The following CAMTA1 variants were observed in gnomAD, a reference collection of about 807,000 sequenced individuals.
The protein encoded by CAMTA1 is calmodulin binding transcription activator 1.
In CAMTA1, 27 loss-of-function variants were observed where a neutral mutation model predicts 170.9. The observed-to-expected ratio is 0.16, with a 90% confidence interval of 0.12 to 0.22. The LOEUF is 0.22. CAMTA1 is among the 10% of genes least tolerant of loss of function. The pLI, the probability that CAMTA1 is intolerant of heterozygous loss-of-function variation, is 1.00. For missense variants in CAMTA1, 1,619 were observed against 2,217.2 expected (o/e 0.73, Z 5.42); for synonymous variants, 833 against 891.5 (o/e 0.93, Z 1.17).
At chr1:7,089,570 C>T (rs1473992269) in intron 3 of CAMTA1, among the ~76,000 whole-genome samples, 1 of 150,422 alleles carries the variant, frequency 6.6e-6, no homozygotes, top group Non-Finnish European at 1.5e-5. Context: ...CATCCCATCC[C>T]ATCCCATCCC....
At chr1:7,589,407 A>G (rs2095337977) in intron 6 of CAMTA1, among the ~76,000 whole-genome samples, 1 of 152,204 alleles carries the variant, frequency 6.6e-6, no homozygotes, top group South Asian at 2.1e-4. Context: ...TTCCTGTGAC[A>G]TTTTCGTGTC....
At chr1:7,221,882 A>G (rs1001622094) in intron 4 of CAMTA1, among the ~76,000 whole-genome samples, 33 of 148,802 alleles carry the variant, frequency 2.2e-4, no homozygotes, top group Non-Finnish European at 4.3e-4. Context: ...CTTCCTTCAG[A>G]GGGCATGTGC....
intron 6 of CAMTA1, among the ~76,000 whole-genome samples, chr1:7,621,718 T>G (rs1467063888): frequency 2.0e-5 from 3 of 152,174 alleles, no homozygotes; most frequent in Non-Finnish European, 4.4e-5. Context: ...TGCTCGCCCT[T>G]CTGGAAGTTT....
chr1:7,201,245 T>G (rs970275431), intron 4 of CAMTA1, among the ~76,000 whole-genome samples: 1 of 152,398 alleles, frequency 6.6e-6, no homozygotes, highest in Non-Finnish European at 1.5e-5. Context: ...TTCTTTTTTA[T>G]GGCTGAATAA....
rs577795749 is a variant in CAMTA1, at chr1:7,065,634, G to T, written c.235-25670G>T. 1.0e-4 allele frequency among the ~76,000 whole-genome samples: 12 copies of T among 120,486 alleles called. No homozygotes were observed. The highest frequency in any genetic ancestry group is 4.5e-4 in the African/African-American group (12 of 26,702). 79.0% of individuals were successfully genotyped at this position (120,486 alleles called of 152,430 possible). On this transcript the variant is annotated intron_variant, in intron 3 of 22. Coordinates refer to ENST00000303635, the MANE Select transcript of CAMTA1 (RefSeq NM_015215.4). This position sits in a 1 kb window ranked among gnomAD's most constrained non-coding sequence, Gnocchi z 5.2. ...CTTATTTCATGGCCATAGGAGGGAA[G>T]AGAGAGGAGACAGCTGCACCTTGTT...
At chr1:7,004,269 G>T (rs955597493) in intron 3 of CAMTA1, among the ~76,000 whole-genome samples, 5 of 152,258 alleles carry the variant, frequency 3.3e-5, no homozygotes, top group Middle Eastern at 3.4e-3. Flanking sequence ...TCAAAAACAG[G>T]GCTTTGATAT....
At chr1:7,008,315 A>C (rs780967016) in intron 3 of CAMTA1, 1 of 152,422 alleles carries the variant, frequency 6.6e-6, no homozygotes, top group Non-Finnish European at 1.5e-5. Context: ...AACGGCCTTG[A>C]CGGTGGAGTG....
chr1:7,516,191 G>A (rs2094283805), intron 6 of CAMTA1, among the ~76,000 whole-genome samples: 1 of 152,226 alleles, frequency 6.6e-6, no homozygotes, highest in Non-Finnish European at 1.5e-5. Context: ...GAGGGGTTTT[G>A]TTTGGAACTT....
chr1:7,111,745 CG>C (rs1644052540), intron 4 of CAMTA1, among the ~76,000 whole-genome samples: 1 of 151,966 alleles, frequency 6.6e-6, no homozygotes, highest in Admixed American at 6.6e-5. Context: ...ATTAGCCAGG[CG>C]TGGTGGCACA....
intron 5 of CAMTA1, among the ~76,000 whole-genome samples, chr1:7,364,000 T>G (rs562600210): frequency 7.1e-4 from 108 of 152,234 alleles, no homozygotes; most frequent in African/African-American, 2.5e-3. Context: ...CCCATCAGCT[T>G]ACAGAGAGGG....
chr1:7,169,276 T>C (rs1035566847), intron 4 of CAMTA1, among the ~76,000 whole-genome samples: 1 of 152,214 alleles, frequency 6.6e-6, no homozygotes, highest in African/African-American at 2.4e-5. Context: ...TCAGACTTAA[T>C]GTCAAACATG....
intron 3 of CAMTA1, among the ~76,000 whole-genome samples, chr1:6,828,529 A>G (rs1225301982): frequency 6.6e-6 from 1 of 151,952 alleles, no homozygotes; most frequent in African/African-American, 2.4e-5. Flanking sequence ...TGACCTTGTG[A>G]TCCGCCCACC....
chr1:7,575,696 A>G (rs2150360328), intron 6 of CAMTA1, among the ~76,000 whole-genome samples: 1 of 151,982 alleles, frequency 6.6e-6, no homozygotes, highest in South Asian at 2.1e-4. Flanking sequence ...GAAAGAGTGC[A>G]GTGATTGATT....
At chr1:7,478,803 CTTATAATATGGGGCTTTTGT>C (rs1046473228) in intron 6 of CAMTA1, among the ~76,000 whole-genome samples, 5 of 152,210 alleles carry the variant, frequency 3.3e-5, no homozygotes, top group Non-Finnish European at 7.3e-5. Flanking sequence ...TTCTAGATGG[CTTATAATATGGGGCTTTTGT>C]TTAATTATCC....
intron 5 of CAMTA1, among the ~76,000 whole-genome samples, chr1:7,425,116 A>G (rs2091805311): frequency 6.6e-6 from 1 of 152,154 alleles, no homozygotes; most frequent in African/African-American, 2.4e-5. Context: ...CCCATAAACA[A>G]AGTGTACACC....
intron 3 of CAMTA1, among the ~76,000 whole-genome samples, chr1:6,946,950 C>T (rs12057848): frequency 0.42 from 63,116 of 151,818 alleles, 13,348 homozygotes; most frequent in East Asian, 0.57. Context: ...GTAGCTCTGA[C>T]GCTTAGGTCT....
intron 3 of CAMTA1, among the ~76,000 whole-genome samples, chr1:6,939,175 C>T (rs920635537): frequency 2.0e-5 from 3 of 152,170 alleles, no homozygotes; most frequent in East Asian, 1.9e-4. Context: ...AGGCGTGGAG[C>T]GTCAGAGGTC....
intron 3 of CAMTA1, among the ~76,000 whole-genome samples, chr1:6,913,466 C>G (rs1243320707): frequency 6.6e-6 from 1 of 152,190 alleles, no homozygotes; most frequent in East Asian, 1.9e-4. Context: ...GCATTCTTCC[C>G]CTAGTGGTCA....
chr1:7,002,940 G>A (rs1030627004), intron 3 of CAMTA1, among the ~76,000 whole-genome samples: 4 of 152,192 alleles, frequency 2.6e-5, no homozygotes, highest in Non-Finnish European at 4.4e-5. Flanking sequence ...AGAGGACAGC[G>A]CAAAGAAGCC....
Sources: allele counts gnomAD v4.1 joint callset (sites outside exome capture counted in the v4.1 genomes callset), GRCh38; gene constraint gnomAD v4.1.1; non-coding constraint Gnocchi (gnomAD v3.1); transcripts MANE v1.5; gene names NCBI Gene and HGNC (gene_info 2026-07-23, HGNC 2026-07-21).